PTPRG: variants seen among roughly 807,000 people sequenced by gnomAD.
PTPRG encodes the protein receptor-type tyrosine-protein phosphatase gamma.
In PTPRG, 102 loss-of-function variants were observed where a neutral mutation model predicts 165.3. That is an observed-to-expected ratio of 0.62 (90% CI 0.53 to 0.73). The LOEUF (loss-of-function observed/expected upper bound fraction) is 0.73. PTPRG is among the 30% of genes least tolerant of loss of function. The probability of loss-of-function intolerance (pLI) is 0.00; values close to 1 mark genes in which losing one functional copy is unlikely to be tolerated. For synonymous variants in PTPRG, 675 were observed against 669.5 expected (o/e 1.01, Z -0.13); for missense variants, 1,866 against 1,861.4 (o/e 1.00, Z -0.05).
intron 1 of PTPRG, among the ~76,000 whole-genome samples, chr3:61,648,267 T>G (rs1450235283): frequency 6.6e-6 from 1 of 152,230 alleles, no homozygotes; most frequent in Non-Finnish European, 1.5e-5. Flanking sequence ...CCTTGTTTCA[T>G]TCATAAGGTC....
intron 2 of PTPRG, among the ~76,000 whole-genome samples, chr3:61,827,016 A>C (rs1522549): frequency 6.6e-6 from 1 of 151,982 alleles, no homozygotes; most frequent in Non-Finnish European, 1.5e-5. Flanking sequence ...TCAATCAGGC[A>C]ACTAGAATGA....
At chr3:61,835,554 G>A (rs1208009593) in intron 2 of PTPRG, among the ~76,000 whole-genome samples, 12 of 151,810 alleles carry the variant, frequency 7.9e-5, no homozygotes, top group South Asian at 6.2e-4. Flanking sequence ...GGCTGGGCTC[G>A]AACTCTTGAC....
chr3:61,959,633 C>T (rs927994841), intron 2 of PTPRG, among the ~76,000 whole-genome samples: 1 of 152,190 alleles, frequency 6.6e-6, no homozygotes, highest in Non-Finnish European at 1.5e-5. Context: ...TGATTGGTAT[C>T]TGCATGCAAC....
Position 62,079,858 on chromosome 3 carries a change from G to C in PTPRG, c.615+1600G>C, listed in dbSNP as rs186872859. ...CAGCTAATACATCATGTAGATTGCAGTGGTAATTAAAGGACTTCCTAGTAT... is the reference window on the plus strand; with the variant it reads ...CAGCTAATACATCATGTAGATTGCACTGGTAATTAAAGGACTTCCTAGTAT... On this transcript the variant is annotated intron_variant, in intron 5 of 29. Coordinates refer to ENST00000474889, the MANE Select transcript of PTPRG (RefSeq NM_002841.4). Among the ~76,000 whole-genome samples the C allele has an allele frequency of 1.4e-4, 22 of 152,334 alleles. No homozygotes were observed. The East Asian group carries it at 3.5e-3, about 24-fold the overall frequency.
intron 8 of PTPRG, among the ~76,000 whole-genome samples, chr3:62,181,213 C>T (rs1177220895): frequency 2.6e-5 from 4 of 152,176 alleles, no homozygotes; most frequent in Non-Finnish European, 4.4e-5. Context: ...AACTCCGCAC[C>T]AGGGTCCCAC....
chr3:62,156,931 G>A (rs946892694), intron 6 of PTPRG, 136 bp from the exon 7 acceptor site: 2 of 792,850 alleles, frequency 2.5e-6, no homozygotes, highest in Middle Eastern at 2.8e-4. Flanking sequence ...ACCACCAAAT[G>A]CTAGTGCTTC....
chr3:61,931,362 T>A (rs1237444943), intron 2 of PTPRG, among the ~76,000 whole-genome samples: 1 of 152,220 alleles, frequency 6.6e-6, no homozygotes. Context: ...GAATCCTGCT[T>A]GATGATATTT....
At chr3:61,688,549 G>C (rs2029924144) in intron 1 of PTPRG, among the ~76,000 whole-genome samples, 2 of 152,208 alleles carry the variant, frequency 1.3e-5, no homozygotes, top group African/African-American at 4.8e-5. Context: ...ATTTTCCTCT[G>C]TTCTGGGGCT....
At chr3:62,066,530 G>C (rs1308128440) in intron 4 of PTPRG, among the ~76,000 whole-genome samples, 2 of 152,210 alleles carry the variant, frequency 1.3e-5, no homozygotes, top group African/African-American at 4.8e-5. Flanking sequence ...CACTGTGGTA[G>C]TGATTTTTGT....
At chr3:61,622,642 AT>A (rs1240489158) in intron 1 of PTPRG, among the ~76,000 whole-genome samples, 1 of 152,194 alleles carries the variant, frequency 6.6e-6, no homozygotes, top group Non-Finnish European at 1.5e-5. Context: ...TATTATACAA[AT>A]AATTGCAAAT....
At chr3:62,234,944 C>G (rs537513495) in intron 14 of PTPRG, among the ~76,000 whole-genome samples, 3 of 150,840 alleles carry the variant, frequency 2.0e-5, no homozygotes, top group Admixed American at 6.6e-5. Context: ...CTTCCCCCCC[C>G]CGAGATGGTC....
At chr3:62,124,519 A>T in intron 5 of PTPRG, 1 of 1,565,506 alleles carries the variant, frequency 6.4e-7, no homozygotes, top group Non-Finnish European at 8.8e-7. Context: ...TCATCAGGTC[A>T]TCCACCGGGG....
chr3:61,697,021 C>G (rs368431981), intron 1 of PTPRG, among the ~76,000 whole-genome samples: 1 of 152,120 alleles, frequency 6.6e-6, no homozygotes, highest in African/African-American at 2.4e-5. Flanking sequence ...ACATACTACT[C>G]CAAAATATGG....
At chr3:61,757,652 AAG>A (rs2033675204) in intron 2 of PTPRG, among the ~76,000 whole-genome samples, 2 of 152,226 alleles carry the variant, frequency 1.3e-5, no homozygotes, top group Non-Finnish European at 2.9e-5. Context: ...AGCCAAAGAT[AAG>A]GTCAATATTT....
intron 2 of PTPRG, among the ~76,000 whole-genome samples, chr3:61,777,380 G>A (rs1258954569): frequency 6.6e-6 from 1 of 152,180 alleles, no homozygotes; most frequent in African/African-American, 2.4e-5. Flanking sequence ...GTACAGCAAA[G>A]GCAGAGAAAT....
intron 2 of PTPRG, among the ~76,000 whole-genome samples, chr3:61,913,204 GA>G (rs1265431394): frequency 6.6e-6 from 1 of 152,150 alleles, no homozygotes. Context: ...TTCAACCTTT[GA>G]GGGGACAACG....
At chr3:62,164,561 G>T (rs73096600) in intron 7 of PTPRG, among the ~76,000 whole-genome samples, 12,214 of 152,212 alleles carry the variant, frequency 0.08, 816 homozygotes, top group East Asian at 0.35. Context: ...CTGTGATCCA[G>T]TTGACAATAT....
Position 61,780,317 on chromosome 3 carries a change from G to T in PTPRG, c.190+31335G>T, listed in dbSNP as rs142832965. Reference sequence around the variant, plus strand: ...GCTGGAAAATACCAGAAACTTGAGTGGGGGGCAGGCAGCCACTTAGGCCCC... The same window carrying T: ...GCTGGAAAATACCAGAAACTTGAGTTGGGGGCAGGCAGCCACTTAGGCCCC... On this transcript the variant is annotated intron_variant, in intron 2 of 29. Transcript: ENST00000474889. 6.6e-3 allele frequency among the ~76,000 whole-genome samples: 1,007 copies of T among 152,230 alleles called. 19 individuals carry two copies. Among genetic ancestry groups the T allele is most frequent in the South Asian group, 0.038 (181 of 4,824 alleles).
Position 61,672,802 on chromosome 3 carries a change from GGAGAGAGAGGGA to G in PTPRG, c.86-76060_86-76049del, listed in dbSNP as rs1249078538. Among the ~76,000 whole-genome samples, 181 of 138,928 alleles carry G rather than the reference GGAGAGAGAGGGA, an allele frequency of 1.3e-3. 3 individuals carry two copies. The highest frequency in any genetic ancestry group is 5.1e-3 in the African/African-American group (165 of 32,442). 91.1% of individuals were successfully genotyped at this position (138,928 alleles called of 152,430 possible). A position where few individuals can be genotyped will look rare whatever the true frequency, so the allele number is the denominator to read the frequency against. On this transcript the variant is annotated intron_variant, in intron 1 of 29. Coordinates refer to ENST00000474889, the MANE Select transcript of PTPRG (RefSeq NM_002841.4). ...GAGAGGGAGAGAGAGGGAGAGAGGG[GGAGAGAGAGGGA>G]GAGAGAGAGGGAGAGGGAGAGGGCT...
Sources: allele counts gnomAD v4.1 joint callset (sites outside exome capture counted in the v4.1 genomes callset), GRCh38; gene constraint gnomAD v4.1.1; transcripts MANE v1.5; gene names NCBI Gene and HGNC (gene_info 2026-07-23, HGNC 2026-07-21).